The following ATXN10 variants were observed in gnomAD, a reference collection of about 807,000 sequenced individuals.
ATXN10 encodes the protein ataxin 10.
In ATXN10, 28 loss-of-function variants were observed where a neutral mutation model predicts 52.9. The ratio of observed to expected loss-of-function variants is 0.53; its 90% confidence interval spans 0.39 to 0.73. The LOEUF is 0.73. Among genes scored for constraint, ATXN10 ranks in the 30% least tolerant of loss-of-function variants. ATXN10 has a pLI of 0.00. For synonymous variants in ATXN10, 226 were observed against 221.5 expected, an observed-to-expected ratio of 1.02 and a Z score of -0.18; for missense variants, 565 against 577.0, an observed-to-expected ratio of 0.98 and a Z score of 0.21.
chr22:45,753,344 C>G (rs528316927), intron 9 of ATXN10, among the ~76,000 whole-genome samples: 1 of 131,096 alleles, frequency 7.6e-6, no homozygotes, highest in Non-Finnish European at 1.6e-5. Context: ...TTCATCTCCT[C>G]GGGTCCTAGA....
intron 9 of ATXN10, among the ~76,000 whole-genome samples, chr22:45,745,616 A>G (rs923923865): frequency 3.3e-5 from 5 of 152,204 alleles, no homozygotes; most frequent in South Asian, 2.1e-4. Context: ...TCAGTTCTCA[A>G]TTTTGAAGGC....
chr22:45,740,701 CACACACACACACACACACATATATAT>C (rs1472496707), intron 9 of ATXN10, 163 bp downstream of exon 9: 3 of 418,540 alleles, frequency 7.2e-6, no homozygotes, highest in Admixed American at 3.7e-5. Flanking sequence ...CACACACACA[CACACACACACACACACACATATATAT>C]ACACACACAC....
At chr22:45,807,138 T>C (rs777762483) in intron 10 of ATXN10, 116 bp downstream of exon 10, 1 of 841,718 alleles carries the variant, frequency 1.2e-6, no homozygotes. Flanking sequence ...GCTTGTTTAC[T>C]TGTTCCTGAG....
rs533728709 is a variant in ATXN10, at chr22:45,762,618, A to G, written c.1173+22080A>G. On this transcript the variant is annotated intron_variant, in intron 9 of 11. Transcript: ENST00000252934. This position sits in a 1 kb window ranked among gnomAD's most constrained non-coding sequence, Gnocchi z 4.3. The stretch of plus-strand genomic sequence containing the variant: ...GGGCAAGAGTGTATGTGTTTAGGCC[A>G]CAGGGAGAGCACAGACTCCCAGAGC... 3.9e-5 allele frequency among the ~76,000 whole-genome samples: 6 copies of G among 152,284 alleles called. 1 individual carries two copies. In the South Asian group the frequency reaches 1.2e-3, roughly 32 times the overall value.
chr22:45,792,877 T>C (rs1927565129), intron 9 of ATXN10: 1 of 500,158 alleles, frequency 2.0e-6, no homozygotes, highest in Non-Finnish European at 4.1e-6. Flanking sequence ...CTGACTTTGT[T>C]AAATTCTTCT....
intron 6 of ATXN10, among the ~76,000 whole-genome samples, chr22:45,719,097 C>T (rs780756858): frequency 3.6e-4 from 54 of 150,210 alleles, no homozygotes; most frequent in Non-Finnish European, 7.4e-4. Flanking sequence ...ACAAGGGATT[C>T]AGTTTCTTGA....
chr22:45,822,523 ATTTTTTTTT>A (rs763159693), intron 10 of ATXN10, among the ~76,000 whole-genome samples: 4 of 96,610 alleles, frequency 4.1e-5, no homozygotes, highest in Admixed American at 2.4e-4. Context: ...AATTTCTCCA[ATTTTTTTTT>A]TTTTTTTTTT....
intron 3 of ATXN10, among the ~76,000 whole-genome samples, chr22:45,693,927 G>T (rs1923484187): frequency 6.6e-6 from 1 of 152,164 alleles, no homozygotes; most frequent in African/African-American, 2.4e-5. Flanking sequence ...ATAAATGTCT[G>T]TTGTTTAAGC....
At chr22:45,782,212 A>G (rs753912108) in intron 9 of ATXN10, among the ~76,000 whole-genome samples, 7 of 152,218 alleles carry the variant, frequency 4.6e-5, no homozygotes, top group African/African-American at 1.2e-4. Context: ...ACTCGGGCCT[A>G]TTGGCCTTAG....
intron 9 of ATXN10, among the ~76,000 whole-genome samples, chr22:45,751,763 A>AAAAAAAAAAT: frequency 3.0e-5 from 2 of 66,630 alleles, no homozygotes; most frequent in Non-Finnish European, 5.9e-5. Context: ...AATAAAAAAA[A>AAAAAAAAAAT]AATAATAATA....
chr22:45,728,860 C>T lies in ATXN10; in HGVS notation c.729-565C>T, dbSNP rs1417119832. Among the ~76,000 whole-genome samples the T allele has an allele frequency of 6.6e-6, 1 of 152,024 alleles. No homozygotes were observed. Among genetic ancestry groups the T allele is most frequent in the Non-Finnish European group, 1.5e-5 (1 of 67,992 alleles). On this transcript the variant is annotated intron_variant, in intron 6 of 11. Coordinates refer to ENST00000252934, the MANE Select transcript of ATXN10 (RefSeq NM_013236.4). This position sits in a 1 kb window ranked among gnomAD's most constrained non-coding sequence, Gnocchi z 4.3. The stretch of plus-strand genomic sequence containing the variant: ...AGTAAAGTTTCACAGTAAAGACTAC[C>T]AAATGAGTGGTTAAAGCACCTGGCT...
In ATXN10 at chr22:45,754,689, C is replaced by T. The variant is rs377286249; in HGVS notation, c.1173+14151C>T. Among the ~76,000 whole-genome samples, 34 of 152,258 alleles carry T rather than the reference C, an allele frequency of 2.2e-4. No individual in the cohort carries two copies. The highest frequency in any genetic ancestry group is 8.2e-4 in the African/African-American group (34 of 41,550). ...CCAACATGGTGAAACCCCGACTCTACTAAAAATACAAAAAAATTAGCCAGA... is the reference window on the plus strand; with the variant it reads ...CCAACATGGTGAAACCCCGACTCTATTAAAAATACAAAAAAATTAGCCAGA... On this transcript the variant is annotated intron_variant, in intron 9 of 11. Transcript: ENST00000252934. This position sits in a 1 kb window ranked among gnomAD's most constrained non-coding sequence, Gnocchi z 5.4.
chr22:45,753,273 C>T (rs1227739447), intron 9 of ATXN10, among the ~76,000 whole-genome samples: 5 of 146,150 alleles, frequency 3.4e-5, no homozygotes, highest in South Asian at 2.4e-4. Context: ...AAACCTTTTT[C>T]GGCAGAAGTC....
In ATXN10 at chr22:45,757,141, G is replaced by T. The variant is rs1416459197; in HGVS notation, c.1173+16603G>T. Among the ~76,000 whole-genome samples, 1 of 152,166 alleles carries T rather than the reference G, an allele frequency of 6.6e-6. No individual in the cohort carries two copies. The highest frequency in any genetic ancestry group is 1.5e-5 in the Non-Finnish European group (1 of 68,030). ...ACTGCCTGGGGCTGGGGCTGTGGAG[G>T]CGGACGACTGGGGAGTCTGATGGGG... On this transcript the variant is annotated intron_variant, in intron 9 of 11. Transcript: ENST00000252934. The surrounding 1 kb of genome is among the most constrained non-coding windows in gnomAD (Gnocchi z 4.6).
chr22:45,772,620 C>T lies in ATXN10; in HGVS notation c.1173+32082C>T, dbSNP rs117967082. Among the ~76,000 whole-genome samples the T allele has an allele frequency of 1.3e-5, 2 of 152,146 alleles. No individual in the cohort carries two copies. Among genetic ancestry groups the T allele is most frequent in the African/African-American group, 2.4e-5 (1 of 41,430 alleles). Reference sequence around the variant, plus strand: ...TCTGCTGTGATTGTGATTGGAATTGCGTTAAATATACAGCTCTCTTTGGGG... The same window carrying T: ...TCTGCTGTGATTGTGATTGGAATTGTGTTAAATATACAGCTCTCTTTGGGG... On this transcript the variant is annotated intron_variant, in intron 9 of 11. Coordinates refer to ENST00000252934, the MANE Select transcript of ATXN10 (RefSeq NM_013236.4). This position sits in a 1 kb window ranked among gnomAD's most constrained non-coding sequence, Gnocchi z 4.1.
chr22:45,776,888 A>G (rs1926977275), intron 9 of ATXN10, among the ~76,000 whole-genome samples: 1 of 152,278 alleles, frequency 6.6e-6, no homozygotes, highest in Admixed American at 6.5e-5. Context: ...TCTTCATGGA[A>G]GGATCTGTAC....
rs900734748 is a variant in ATXN10, at chr22:45,769,094, A to G, written c.1173+28556A>G. Reference sequence around the variant, plus strand: ...CCGAATGTTGGGTGTGTGAGTATGTATTATACCTCCCTCTCTCTGTACTTT... The same window carrying G: ...CCGAATGTTGGGTGTGTGAGTATGTGTTATACCTCCCTCTCTCTGTACTTT... On this transcript the variant is annotated intron_variant, in intron 9 of 11. Coordinates refer to ENST00000252934, the MANE Select transcript of ATXN10 (RefSeq NM_013236.4). This position sits in a 1 kb window ranked among gnomAD's most constrained non-coding sequence, Gnocchi z 4.2. Among the ~76,000 whole-genome samples the G allele has an allele frequency of 3.9e-5, 6 of 152,000 alleles. No individual in the cohort carries two copies. Among genetic ancestry groups the G allele is most frequent in the Admixed American group, 2.0e-4 (3 of 15,256 alleles).
At chr22:45,743,477 A>G (rs560390751) in intron 9 of ATXN10, among the ~76,000 whole-genome samples, 1 of 152,244 alleles carries the variant, frequency 6.6e-6, no homozygotes, top group East Asian at 1.9e-4. Context: ...GACTTTGGTT[A>G]TAGTTTTGGG....
At chr22:45,758,053 A>G (rs1199903160) in intron 9 of ATXN10, among the ~76,000 whole-genome samples, 1 of 152,252 alleles carries the variant, frequency 6.6e-6, no homozygotes, top group Non-Finnish European at 1.5e-5. Flanking sequence ...ATTCGTTACC[A>G]GAACAGTGGC....
Sources: allele counts gnomAD v4.1 joint callset (sites outside exome capture counted in the v4.1 genomes callset), GRCh38; gene constraint gnomAD v4.1.1; non-coding constraint Gnocchi (gnomAD v3.1); transcripts MANE v1.5; gene names NCBI Gene and HGNC (gene_info 2026-07-23, HGNC 2026-07-21).